Variants in COL19A1 observed in about 807,000 individuals in gnomAD.
The protein encoded by COL19A1 is collagen alpha-1(XIX) chain.
In COL19A1, 159 loss-of-function variants were observed where a neutral mutation model predicts 190.2. The ratio of observed to expected loss-of-function variants is 0.84; its 90% CI spans 0.73 to 0.95. The LOEUF (loss-of-function observed/expected upper bound fraction) is 0.95. COL19A1 is among the 40% of genes least tolerant of loss of function. The pLI, the probability that COL19A1 is intolerant of heterozygous loss-of-function variation, is 0.00. For missense variants in COL19A1, 1,418 were observed against 1,431.9 expected, an observed-to-expected ratio of 0.99 and a Z score of 0.16; for synonymous variants, 509 against 458.9, an observed-to-expected ratio of 1.11 and a Z score of -1.39.
chr6:70,138,765 G>A (rs1786044030), intron 19 of COL19A1, among the ~76,000 whole-genome samples: 1 of 152,074 alleles, frequency 6.6e-6, no homozygotes, highest in East Asian at 1.9e-4. Context: ...TCTACCTTCA[G>A]GAGTCGTGCT....
intron 11 of COL19A1, among the ~76,000 whole-genome samples, chr6:70,002,135 G>T (rs1418844912): frequency 6.6e-6 from 1 of 152,102 alleles, no homozygotes; most frequent in Admixed American, 6.5e-5. Flanking sequence ...TGTGGTTTTT[G>T]TCTTTGGTTC....
In COL19A1 at chr6:69,921,450, A is replaced by ATATCATATATCATATATATTCATATAT. The variant is rs368825990; in HGVS notation, c.267-6458_267-6457insATCATATATCATATATATTCATATATT. 4.7e-3 allele frequency among the ~76,000 whole-genome samples: 123 copies of ATATCATATATCATATATATTCATATAT among 26,086 alleles called. 6 individuals carry two copies. Among genetic ancestry groups the ATATCATATATCATATATATTCATATAT allele is most frequent in the African/African-American group, 0.014 (116 of 8,056 alleles). 17.1% of individuals were successfully genotyped at this position (26,086 alleles called of 152,430 possible). On this transcript the variant is annotated intron_variant, in intron 4 of 50. Coordinates refer to ENST00000620364, the MANE Select transcript of COL19A1 (RefSeq NM_001858.6). ...ATCATATATATCATATATATCATAT[A>ATATCATATATCATATATATTCATATAT]TCATATATATCATATATATTCATAT... is the stretch of plus-strand genomic sequence containing the variant.
intron 14 of COL19A1, among the ~76,000 whole-genome samples, chr6:70,062,591 G>A (rs1264210648): frequency 6.6e-6 from 1 of 152,022 alleles, no homozygotes; most frequent in East Asian, 1.9e-4. Context: ...AAAATAACCA[G>A]CTAACATCAT....
intron 31 of COL19A1, among the ~76,000 whole-genome samples, chr6:70,155,897 T>C (rs1303914021): frequency 6.6e-6 from 1 of 152,144 alleles, no homozygotes; most frequent in Non-Finnish European, 1.5e-5. Flanking sequence ...GTTTTAAAAA[T>C]AAAAGTTCAT....
intron 11 of COL19A1, among the ~76,000 whole-genome samples, chr6:69,966,951 T>C (rs1775149159): frequency 6.6e-6 from 1 of 152,174 alleles, no homozygotes; most frequent in African/African-American, 2.4e-5. Context: ...AACATCTGCC[T>C]CATTATACCA....
intron 11 of COL19A1, among the ~76,000 whole-genome samples, chr6:70,017,491 T>C (rs1270215747): frequency 1.3e-5 from 2 of 152,094 alleles, no homozygotes; most frequent in South Asian, 4.1e-4. Context: ...AATCATACCT[T>C]AATAAAACTG....
intron 15 of COL19A1, among the ~76,000 whole-genome samples, chr6:70,078,497 G>A (rs1485404784): frequency 6.6e-6 from 1 of 152,166 alleles, no homozygotes; most frequent in East Asian, 1.9e-4. Context: ...TGAAGCAAGG[G>A]GCGAGGCTTG....
chr6:70,140,223 T>A (rs972924415), intron 19 of COL19A1, among the ~76,000 whole-genome samples: 1 of 152,120 alleles, frequency 6.6e-6, no homozygotes, highest in African/African-American at 2.4e-5. Context: ...AAATGGCCTA[T>A]TTTTATTTGC....
At chr6:69,993,291 T>C (rs1474709524) in intron 11 of COL19A1, among the ~76,000 whole-genome samples, 1 of 152,080 alleles carries the variant, frequency 6.6e-6, no homozygotes, top group Non-Finnish European at 1.5e-5. Flanking sequence ...CCAATCTTGC[T>C]TCCCAGGAAT....
chr6:70,067,517 T>A (rs879596330), intron 14 of COL19A1, among the ~76,000 whole-genome samples: 6 of 152,078 alleles, frequency 3.9e-5, no homozygotes, highest in Non-Finnish European at 7.4e-5. Context: ...AAACTGTGGA[T>A]GCCTGTGAGG....
At chr6:69,962,251 G>C (rs1016782683) in intron 10 of COL19A1, among the ~76,000 whole-genome samples, 26 of 152,276 alleles carry the variant, frequency 1.7e-4, no homozygotes, top group African/African-American at 6.3e-4. Flanking sequence ...GTGATTGAGA[G>C]CCAGCAGCCC....
rs530355324 is a variant in COL19A1, at chr6:70,134,068, CTTTTA to C, written c.1384-3609_1384-3605del. On this transcript the variant is annotated intron_variant, in intron 18 of 50. Coordinates refer to ENST00000620364, the MANE Select transcript of COL19A1 (RefSeq NM_001858.6). ...TGCTAGACTCCTTCTCAGCTTTCTA[CTTTTA>C]TTTTATTAGGCAAGTCTAACTAGTA... 8.2e-4 allele frequency among the ~76,000 whole-genome samples: 125 copies of C among 152,288 alleles called. 1 individual carries two copies. Among genetic ancestry groups the C allele is most frequent in the African/African-American group, 2.9e-3 (120 of 41,564 alleles).
intron 4 of COL19A1, among the ~76,000 whole-genome samples, chr6:69,921,477 T>TCATATATA (rs1436836786): frequency 2.5e-4 from 6 of 24,480 alleles, no homozygotes; most frequent in African/African-American, 3.5e-4. Flanking sequence ...TATTCATATA[T>TCATATATA]TCATATATAT....
chr6:70,085,929 T>A (rs573423499), intron 15 of COL19A1, among the ~76,000 whole-genome samples: 5 of 152,298 alleles, frequency 3.3e-5, no homozygotes, highest in African/African-American at 1.2e-4. Flanking sequence ...ATGCTGAAAG[T>A]GAGTTATGCT....
At chr6:70,002,782 T>G (rs115918434) in intron 11 of COL19A1, among the ~76,000 whole-genome samples, 1,633 of 150,314 alleles carry the variant, frequency 0.011, 33 homozygotes, top group African/African-American at 0.032. Context: ...GTCTAGCTAG[T>G]GATCTATCCA....
At chr6:70,095,286 A>G (rs1783181859) in intron 15 of COL19A1, among the ~76,000 whole-genome samples, 1 of 152,096 alleles carries the variant, frequency 6.6e-6, no homozygotes, top group Non-Finnish European at 1.5e-5. Context: ...TCTAATGGGT[A>G]TCTTGATTGT....
intron 19 of COL19A1, among the ~76,000 whole-genome samples, chr6:70,138,285 C>T (rs1238239588): frequency 2.0e-5 from 3 of 152,136 alleles, no homozygotes; most frequent in Non-Finnish European, 4.4e-5. Flanking sequence ...GGCTTCCCAA[C>T]CACTTTTTGG....
chr6:69,904,535 T>C (rs1386471424), intron 4 of COL19A1, among the ~76,000 whole-genome samples: 1 of 152,108 alleles, frequency 6.6e-6, no homozygotes, highest in Non-Finnish European at 1.5e-5. Context: ...CTCTCACAAC[T>C]CAGTGGGTGT....
At chr6:69,913,930 C>T (rs547263170) in intron 4 of COL19A1, among the ~76,000 whole-genome samples, 4 of 151,310 alleles carry the variant, frequency 2.6e-5, no homozygotes, top group South Asian at 2.1e-4. Context: ...GGACCTTTTG[C>T]GGGCAGGGTT....
Sources: allele counts gnomAD v4.1 joint callset (sites outside exome capture counted in the v4.1 genomes callset), GRCh38; gene constraint gnomAD v4.1.1; transcripts MANE v1.5; gene names NCBI Gene and HGNC (gene_info 2026-07-23, HGNC 2026-07-21).